The following TMC1 variants were observed in gnomAD, a reference collection of about 807,000 sequenced individuals.
The protein encoded by TMC1 is transmembrane channel like 1, also known as transmembrane channel-like protein 1.
A neutral mutation model predicts 105.8 loss-of-function variants in TMC1; 84 were observed. That is an observed-to-expected ratio of 0.79 (90% CI 0.67 to 0.95). The LOEUF is 0.95. Ranked by LOEUF, TMC1 falls within the 40% of genes least tolerant of loss-of-function variation. TMC1 has a pLI of 0.00. For missense variants in TMC1, 817 were observed against 914.1 expected (o/e 0.89, Z 1.37); for synonymous variants, 315 against 311.5 (o/e 1.01, Z -0.12).
At chr9:72,731,395 G>A (rs1056466179) in intron 8 of TMC1, among the ~76,000 whole-genome samples, 1 of 152,158 alleles carries the variant, frequency 6.6e-6, no homozygotes, top group Non-Finnish European at 1.5e-5. Context: ...AGGTTTTGTG[G>A]AGAAGCTGTA....
intron 2 of TMC1, among the ~76,000 whole-genome samples, chr9:72,590,249 G>C (rs181976088): frequency 6.6e-6 from 1 of 152,264 alleles, no homozygotes; most frequent in African/African-American, 2.4e-5. Context: ...CCACACACTT[G>C]CCCTTTATAC....
chr9:72,604,673 G>A (rs927870849), intron 2 of TMC1, among the ~76,000 whole-genome samples: 10 of 152,112 alleles, frequency 6.6e-5, no homozygotes, highest in Middle Eastern at 3.2e-3. Flanking sequence ...AGTGTCTAAC[G>A]TACTATAGTC....
Position 72,620,112 on chromosome 9 carries a change from C to T in TMC1, c.-196+3635C>T, listed in dbSNP as rs150341980. Among the ~76,000 whole-genome samples the T allele has an allele frequency of 2.7e-3, 415 of 152,100 alleles. 4 individuals are homozygous for T. The highest frequency in any genetic ancestry group is 9.2e-3 in the African/African-American group (383 of 41,492). On this transcript the variant is annotated intron_variant, in intron 3 of 23. Coordinates refer to ENST00000297784, the MANE Select transcript of TMC1 (RefSeq NM_138691.3). ...CCTCCCAAAGTGCTAGGATTACAGG[C>T]GGGAGCCACTGTGCCTGGCCTAATT...
chr9:72,781,890 A>G (rs1052700823), intron 13 of TMC1, among the ~76,000 whole-genome samples: 5 of 152,186 alleles, frequency 3.3e-5, no homozygotes, highest in Admixed American at 3.3e-4. Context: ...TGTATAAAGA[A>G]GAGTTGGTGC....
chr9:72,790,818 G>A (rs1828253996), intron 15 of TMC1, among the ~76,000 whole-genome samples: 1 of 152,098 alleles, frequency 6.6e-6, no homozygotes, highest in African/African-American at 2.4e-5. Context: ...ATAGCATGCT[G>A]ATTTTGTATT....
intron 5 of TMC1, among the ~76,000 whole-genome samples, chr9:72,666,019 GT>G (rs1826036878): frequency 1.3e-5 from 2 of 152,332 alleles, no homozygotes; most frequent in South Asian, 2.1e-4. Flanking sequence ...CTTGGGTTAT[GT>G]GAAAAGCAGA....
chr9:72,807,172 A>C (rs1828614115), intron 18 of TMC1, among the ~76,000 whole-genome samples: 1 of 152,222 alleles, frequency 6.6e-6, no homozygotes, highest in South Asian at 2.1e-4. Flanking sequence ...AGAATCAGGC[A>C]GGGAGGTTGC....
At chr9:72,815,696 C>T (rs1222276167) in intron 18 of TMC1, among the ~76,000 whole-genome samples, 3 of 152,096 alleles carry the variant, frequency 2.0e-5, no homozygotes, top group Non-Finnish European at 2.9e-5. Context: ...ACTGTATATA[C>T]ATAACTAATG....
chr9:72,791,186 CT>C (rs1828260722), intron 15 of TMC1, among the ~76,000 whole-genome samples: 1 of 152,002 alleles, frequency 6.6e-6, no homozygotes, highest in African/African-American at 2.4e-5. Flanking sequence ...TCTATTCCTT[CT>C]TCTTTCTCTC....
chr9:72,699,940 G>A (rs1826613251), intron 7 of TMC1, among the ~76,000 whole-genome samples: 1 of 106,878 alleles, frequency 9.4e-6, no homozygotes, highest in Non-Finnish European at 1.7e-5. Flanking sequence ...CTGGGCAACA[G>A]AACGAGACTC....
intron 2 of TMC1, among the ~76,000 whole-genome samples, chr9:72,590,940 T>C (rs1469844822): frequency 3.9e-5 from 6 of 152,092 alleles, no homozygotes; most frequent in Non-Finnish European, 8.8e-5. Flanking sequence ...AAGGCTTTCC[T>C]GGGGAAGGGA....
intron 2 of TMC1, among the ~76,000 whole-genome samples, chr9:72,580,557 A>AGT (rs112783067): frequency 0.3 from 45,303 of 149,924 alleles, 8,576 homozygotes; most frequent in African/African-American, 0.54. Flanking sequence ...ACAGTGAAGC[A>AGT]GTGTGTGTGT....
rs1823732491 is a variant in TMC1, at chr9:72,544,525, G to A, written c.-428+22612G>A. ...AGAAAGTCTTGCTCTTGTTTTCCAG[G>A]CTGGAGTGCAGTGGTGCAATCTCGG... On this transcript the variant is annotated intron_variant, in intron 1 of 23. Transcript: ENST00000297784. Among the ~76,000 whole-genome samples the A allele has an allele frequency of 2.1e-5, 3 of 142,956 alleles. No homozygotes were observed. The South Asian group carries it at 6.4e-4, about 31-fold the overall frequency. The allele number at this position is 142,956 out of a possible 152,430, so 93.8% of individuals were successfully genotyped here. A position where few individuals can be genotyped will look rare whatever the true frequency, so the allele number is the denominator to read the frequency against.
chr9:72,733,544 A>G (rs1319284010), intron 8 of TMC1, among the ~76,000 whole-genome samples: 1 of 152,136 alleles, frequency 6.6e-6, no homozygotes, highest in Non-Finnish European at 1.5e-5. Context: ...TGTTAGTAGT[A>G]TTGCTGCTTA....
In TMC1 at chr9:72,789,227, G is replaced by A; in HGVS notation, c.1134G>A (p.Gly378=). The A allele has an allele frequency of 1.9e-6, 3 of 1,613,996 alleles. No homozygotes were observed. The South Asian group carries it at 3.3e-5, about 18-fold the overall frequency. ...TCTTCGTGTTTCTAACACTTGGAGG[G>A]AGTGGATACCTCATCTTTTGGGCTG... ...ANFFVFLTLG[G]SGYLIFWAVK... is the part of the protein sequence containing the mutation. Residue 378 remains glycine (G), a synonymous_variant, in exon 15 of 24, where the codon GGG becomes GGA. Coordinates refer to ENST00000297784, the MANE Select transcript of TMC1 (RefSeq NM_138691.3).
At chr9:72,804,360 G>C (rs947109985) in intron 17 of TMC1, among the ~76,000 whole-genome samples, 1 of 152,020 alleles carries the variant, frequency 6.6e-6, no homozygotes, top group Non-Finnish European at 1.5e-5. Flanking sequence ...AAAACTGCAC[G>C]TGTACCCCAG....
intron 13 of TMC1, among the ~76,000 whole-genome samples, chr9:72,783,190 G>T (rs1327269298): frequency 1.3e-5 from 2 of 152,046 alleles, no homozygotes; most frequent in East Asian, 3.9e-4. Context: ...TAGGGAGAAA[G>T]GCTCACATGA....
intron 4 of TMC1, among the ~76,000 whole-genome samples, chr9:72,647,011 G>A (rs372032046): frequency 7.9e-5 from 12 of 151,690 alleles, no homozygotes; most frequent in African/African-American, 2.2e-4. Context: ...GTGTGGTGGC[G>A]GGTGCCTGTA....
At chr9:72,618,021 TC>T (rs1189095761) in intron 3 of TMC1, among the ~76,000 whole-genome samples, 2 of 129,778 alleles carry the variant, frequency 1.5e-5, no homozygotes, top group African/African-American at 6.0e-5. Flanking sequence ...TCTGGGTACA[TC>T]TTTTTTTTTT....
Sources: allele counts gnomAD v4.1 joint callset (sites outside exome capture counted in the v4.1 genomes callset), GRCh38; gene constraint gnomAD v4.1.1; transcripts MANE v1.5; gene names NCBI Gene and HGNC (gene_info 2026-07-23, HGNC 2026-07-21).